FOXO3: variants seen among roughly 807,000 people sequenced by gnomAD.
FOXO3 encodes forkhead box O3, also known as forkhead box protein O3.
In FOXO3, 4 loss-of-function variants were observed where a neutral mutation model predicts 41.9. The observed-to-expected ratio is 0.10, with a 90% CI of 0.05 to 0.22. The LOEUF is 0.22. FOXO3 is among the 10% of genes least tolerant of loss of function. The probability of loss-of-function intolerance (pLI) is 1.00; values close to 1 mark genes in which losing one functional copy is unlikely to be tolerated. For synonymous variants in FOXO3, 318 were observed against 389.3 expected (o/e 0.82, Z 2.16); for missense variants, 534 against 906.8 (o/e 0.59, Z 5.28).
At chr6:108,603,566 C>T (rs1018585406) in intron 1 of FOXO3, among the ~76,000 whole-genome samples, 5 of 151,970 alleles carry the variant, frequency 3.3e-5, no homozygotes, top group African/African-American at 4.8e-5. Context: ...AGAAAATTTA[C>T]GCACATTTTG....
chr6:108,626,923 G>C (rs990020635), intron 1 of FOXO3, among the ~76,000 whole-genome samples: 1 of 152,216 alleles, frequency 6.6e-6, no homozygotes, highest in African/African-American at 2.4e-5. Flanking sequence ...TAGCTAAAGG[G>C]CTTGTTTTTT....
At chr6:108,566,911 C>T (rs1033754655) in intron 1 of FOXO3, among the ~76,000 whole-genome samples, 1 of 152,176 alleles carries the variant, frequency 6.6e-6, no homozygotes, top group Non-Finnish European at 1.5e-5. Context: ...AAAGAGAAAA[C>T]CCTTTTTACC....
intron 1 of FOXO3, among the ~76,000 whole-genome samples, chr6:108,585,078 A>G (rs1373846972): frequency 9.2e-6 from 1 of 109,250 alleles, no homozygotes; most frequent in African/African-American, 3.5e-5. Context: ...TCTGTTGCCC[A>G]GGCCGGACTG....
chr6:108,667,127 C>A (rs1426929743), intron 2 of FOXO3, among the ~76,000 whole-genome samples: 2 of 152,106 alleles, frequency 1.3e-5, no homozygotes, highest in Non-Finnish European at 2.9e-5. Context: ...CTAAGAGACC[C>A]CTAATGGAAC....
chr6:108,657,616 C>T (rs1252978114), intron 1 of FOXO3, among the ~76,000 whole-genome samples: 2 of 152,164 alleles, frequency 1.3e-5, no homozygotes, highest in Non-Finnish European at 2.9e-5. Flanking sequence ...CTTCAGCTCC[C>T]AATCCCAAAA....
At chr6:108,575,537 A>T (rs769822175) in intron 1 of FOXO3, among the ~76,000 whole-genome samples, 2 of 152,218 alleles carry the variant, frequency 1.3e-5, no homozygotes, top group Non-Finnish European at 2.9e-5. Context: ...CCTAATTTAA[A>T]AGCGTTGCGA....
chr6:108,623,582 G>C (rs1777731504), intron 1 of FOXO3, among the ~76,000 whole-genome samples: 1 of 152,140 alleles, frequency 6.6e-6, no homozygotes. Flanking sequence ...CTGGGTGTTT[G>C]ATGTTTTGAT....
chr6:108,635,546 A>G (rs1244544272), intron 1 of FOXO3, among the ~76,000 whole-genome samples: 2 of 152,198 alleles, frequency 1.3e-5, no homozygotes, highest in Non-Finnish European at 2.9e-5. Context: ...ATGTGTCACA[A>G]AAAGAATAAA....
At chr6:108,617,878 AAC>A (rs1777559862) in intron 1 of FOXO3, 3 of 334,802 alleles carry the variant, frequency 9.0e-6, no homozygotes, top group Non-Finnish European at 1.2e-5. Context: ...GAAATGAACA[AAC>A]AGAGAAAACT....
intron 1 of FOXO3, among the ~76,000 whole-genome samples, chr6:108,612,709 T>C (rs1383370185): frequency 6.6e-6 from 1 of 152,116 alleles, no homozygotes; most frequent in African/African-American, 2.4e-5. Context: ...AAATTTTTTT[T>C]CTTCCTTTCT....
rs1186032612 is a variant in FOXO3 at position 108,561,351 on chromosome 6, C to T, written c.143C>T (p.Ser48Leu). 2 of 1,567,656 alleles carry T rather than the reference C, an allele frequency of 1.3e-6. No homozygotes were observed. Among genetic ancestry groups the T allele is most frequent in the Non-Finnish European group, 1.7e-6 (2 of 1,158,862 alleles). The change falls in exon 1 of 3, where the codon TCG (serine) becomes TTG (leucine). Residue 48 changes from serine (S) to leucine (L), a missense_variant. Physicochemically the swap from Ser to Leu is moderately radical, Grantham distance 145 (BLOSUM62 -2). Coordinates refer to ENST00000406360, the MANE Select transcript of FOXO3 (RefSeq NM_001455.4). ...CTCCAAGCGAGCCCTGCCAAGCCCT[C>T]GGGGGAGACGGCCGCCGACTCCATG... ...PELQASPAKP[S>L]GETAADSMIP...
chr6:108,672,739 C>G (rs1182676206), intron 2 of FOXO3, among the ~76,000 whole-genome samples: 1 of 152,206 alleles, frequency 6.6e-6, no homozygotes, highest in Non-Finnish European at 1.5e-5. Context: ...CTCTCCCTGT[C>G]TCTTCCTCTC....
intron 2 of FOXO3, among the ~76,000 whole-genome samples, chr6:108,679,426 T>C (rs946845839): frequency 2.5e-4 from 38 of 152,226 alleles, no homozygotes; most frequent in Non-Finnish European, 4.7e-4. Context: ...TCTCCTTGTT[T>C]TAGCATGGAA....
At chr6:108,663,013 T>C (rs1283511707) in intron 1 of FOXO3, among the ~76,000 whole-genome samples, 1 of 152,208 alleles carries the variant, frequency 6.6e-6, no homozygotes, top group Non-Finnish European at 1.5e-5. Context: ...AAGAGGGTCA[T>C]GCATATATGT....
intron 2 of FOXO3, among the ~76,000 whole-genome samples, chr6:108,666,405 G>A (rs889013244): frequency 6.6e-6 from 1 of 151,330 alleles, no homozygotes; most frequent in Non-Finnish European, 1.5e-5. Flanking sequence ...GCGCGATCTC[G>A]GCTCACTGCA....
intron 2 of FOXO3, among the ~76,000 whole-genome samples, chr6:108,669,953 G>C (rs1358476939): frequency 6.6e-6 from 1 of 152,144 alleles, no homozygotes; most frequent in African/African-American, 2.4e-5. Context: ...AAAATCACCA[G>C]AATTACTATT....
At chr6:108,604,037 TCA>T (rs1777124697) in intron 1 of FOXO3, among the ~76,000 whole-genome samples, 1 of 152,206 alleles carries the variant, frequency 6.6e-6, no homozygotes, top group Admixed American at 6.5e-5. Flanking sequence ...TTGAGGATGA[TCA>T]CATCCTGCAA....
chr6:108,596,382 GAAAA>G (rs61683111), intron 1 of FOXO3, among the ~76,000 whole-genome samples: 10 of 58,280 alleles, frequency 1.7e-4, no homozygotes, highest in South Asian at 1.1e-3. Context: ...TGGCCTAAAT[GAAAA>G]AAAAAAAAAA....
At chr6:108,593,719 T>TC (rs1776796051) in intron 1 of FOXO3, among the ~76,000 whole-genome samples, 1 of 137,120 alleles carries the variant, frequency 7.3e-6, no homozygotes, top group Admixed American at 7.2e-5. Context: ...CTTCTTTTTT[T>TC]TTTTTTTTTT....
Sources: gnomAD v4.1 joint callset for allele counts (sites outside exome capture counted in the v4.1 genomes callset) on GRCh38, gnomAD v4.1.1 for gene constraint, MANE v1.5 for transcripts, NCBI Gene and HGNC (gene_info 2026-07-23, HGNC 2026-07-21) for gene names.